The following SLC39A9 variants were observed in gnomAD, a reference collection of about 807,000 sequenced individuals.
The protein encoded by SLC39A9 is solute carrier family 39 member 9.
A neutral mutation model predicts 28.4 loss-of-function variants in SLC39A9; 14 were observed. The ratio of observed to expected loss-of-function variants is 0.49; its 90% CI spans 0.33 to 0.77. The LOEUF is 0.77. Ranked by LOEUF, SLC39A9 falls within the 30% of genes least tolerant of loss-of-function variation. SLC39A9 has a pLI of 0.02. For synonymous variants in SLC39A9, 119 were observed against 149.6 expected, an observed-to-expected ratio of 0.80 and a Z score of 1.49; for missense variants, 283 against 381.1, an observed-to-expected ratio of 0.74 and a Z score of 2.14.
intron 2 of SLC39A9, 63 bp downstream of exon 2, chr14:69,424,265 C>A: frequency 1.6e-6 from 2 of 1,233,598 alleles, no homozygotes; most frequent in Non-Finnish European, 2.4e-6. Context: ...CAGGATGAAG[C>A]TTAGTGGTAT....
intron 1 of SLC39A9, among the ~76,000 whole-genome samples, chr14:69,419,724 C>T (rs1883778095): frequency 6.6e-6 from 1 of 152,202 alleles, no homozygotes; most frequent in Non-Finnish European, 1.5e-5. Flanking sequence ...GTTAGCTCTT[C>T]TTGTTGAATT....
At chr14:69,440,454 C>T (rs1884989286) in intron 2 of SLC39A9, among the ~76,000 whole-genome samples, 1 of 152,046 alleles carries the variant, frequency 6.6e-6, no homozygotes. Flanking sequence ...GACTTGGTAG[C>T]TCACATCTGT....
chr14:69,458,873 G>A lies in SLC39A9; in HGVS notation c.*280G>A, dbSNP rs1395113675. The stretch of plus-strand genomic sequence containing the variant: ...AATATTTCTCTTAACCCTATTCTCA[G>A]GGAAGATGGAATTTAGTTTTAAGGA... On this transcript the variant is annotated 3_prime_UTR_variant, in exon 7 of 7. Transcript: ENST00000336643. 2 of 1,139,582 alleles carry A rather than the reference G, an allele frequency of 1.8e-6. No homozygotes were observed. The highest frequency in any genetic ancestry group is 1.6e-5 in the African/African-American group (1 of 63,064). The allele number at this position is 1,139,582 out of a possible 1,614,324, so 70.6% of individuals were successfully genotyped here.
intron 1 of SLC39A9, among the ~76,000 whole-genome samples, chr14:69,399,750 G>A (rs1373670863): frequency 6.6e-6 from 1 of 152,166 alleles, no homozygotes; most frequent in Non-Finnish European, 1.5e-5. Context: ...TTTACCTGGA[G>A]AGAGGCACCA....
intron 2 of SLC39A9, among the ~76,000 whole-genome samples, chr14:69,437,232 T>C (rs1297438815): frequency 2.0e-5 from 3 of 152,028 alleles, no homozygotes; most frequent in Admixed American, 6.6e-5. Context: ...GTTGCCACCA[T>C]GCAGTTCTGC....
intron 1 of SLC39A9, among the ~76,000 whole-genome samples, chr14:69,422,909 A>G (rs543351567): frequency 3.3e-4 from 51 of 152,342 alleles, no homozygotes; most frequent in Admixed American, 7.2e-4. Context: ...TGCTGCTTCA[A>G]GAAACTTTGA....
At chr14:69,417,186 A>G (rs951316836) in intron 1 of SLC39A9, among the ~76,000 whole-genome samples, 12 of 152,220 alleles carry the variant, frequency 7.9e-5, no homozygotes, top group African/African-American at 2.7e-4. Context: ...AGCTTTCTAC[A>G]TATGGCTAGC....
intron 3 of SLC39A9, among the ~76,000 whole-genome samples, chr14:69,450,194 A>T (rs1196636782): frequency 7.6e-6 from 1 of 131,434 alleles, no homozygotes; most frequent in South Asian, 2.4e-4. Context: ...ATCTCAAAAT[A>T]AAAAAAAAAG....
At chr14:69,454,348 C>A (rs1175579195) in intron 4 of SLC39A9, among the ~76,000 whole-genome samples, 1 of 152,182 alleles carries the variant, frequency 6.6e-6, no homozygotes. Flanking sequence ...CGGCTCATTG[C>A]AAGCTCCACC....
chr14:69,416,957 C>T (rs1395079253), intron 1 of SLC39A9, among the ~76,000 whole-genome samples: 1 of 152,194 alleles, frequency 6.6e-6, no homozygotes, highest in Non-Finnish European at 1.5e-5. Context: ...TTTTGCCGTG[C>T]AGAAGCTCTT....
At position 69,459,559 on chromosome 14, in the gene SLC39A9, T is replaced by TG; in HGVS notation, c.*966_*967insG. ...TGTATGGTTGTCCTTTTTTTTTGTT[T>TG]TTTTTTTTTTTAATTATTTCTCTTA... is the stretch of plus-strand genomic sequence containing the variant. On this transcript the variant is annotated 3_prime_UTR_variant, in exon 7 of 7. Coordinates refer to ENST00000336643, the MANE Select transcript of SLC39A9 (RefSeq NM_018375.5). 1.0e-6 allele frequency: 1 copy of TG among 968,478 alleles called. No individual in the cohort carries two copies. Among genetic ancestry groups the TG allele is most frequent in the Non-Finnish European group, 1.2e-6 (1 of 815,486 alleles). The allele number at this position is 968,478 out of a possible 1,614,324, so 60.0% of individuals were successfully genotyped here.
Position 69,462,009 on chromosome 14 carries a change from C to T in SLC39A9, c.*3416C>T, listed in dbSNP as rs866265989. On this transcript the variant is annotated 3_prime_UTR_variant, in exon 7 of 7. Transcript: ENST00000336643. ...TGTTGGAGATGCTGTGAAATTAAAA[C>T]CTCTTTGTACCTGAGACATCTAGAT... 9.3e-5 allele frequency: 29 copies of T among 312,700 alleles called. 1 individual carries two copies. Among genetic ancestry groups the T allele is most frequent in the South Asian group, 2.3e-4 (2 of 8,710 alleles). The allele number at this position is 312,700 out of a possible 1,614,324, so 19.4% of individuals were successfully genotyped here. A position where few individuals can be genotyped will look rare whatever the true frequency, so the allele number is the denominator to read the frequency against.
At chr14:69,428,572 A>G (rs10140273) in intron 2 of SLC39A9, 79,970 of 152,524 alleles carry the variant, frequency 0.52, 21,932 homozygotes, top group African/African-American at 0.69. Flanking sequence ...ATGCCAAAAC[A>G]GTTGTGCCCA....
chr14:69,410,398 T>TA (rs1427567683), intron 1 of SLC39A9, among the ~76,000 whole-genome samples: 1 of 152,114 alleles, frequency 6.6e-6, no homozygotes, highest in Non-Finnish European at 1.5e-5. Context: ...AGACAAGTAA[T>TA]AACAACCCCT....
chr14:69,454,915 G>GT lies in SLC39A9; in HGVS notation c.558+19dup. ...TACATAAGGTAAGCAACATTTTGGT[G>GT]TAAGGTTTGGTATTGAGTGTATTCA... On this transcript the variant is annotated intron_variant, in intron 5 of 6. Coordinates refer to ENST00000336643, the MANE Select transcript of SLC39A9 (RefSeq NM_018375.5). 1 of 1,594,146 alleles carries GT rather than the reference G, an allele frequency of 6.3e-7. No individual in the cohort carries two copies. Among genetic ancestry groups the GT allele is most frequent in the Non-Finnish European group, 8.6e-7 (1 of 1,162,840 alleles).
chr14:69,432,988 T>G (rs2030984450), intron 2 of SLC39A9, among the ~76,000 whole-genome samples: 1 of 152,224 alleles, frequency 6.6e-6, no homozygotes, highest in Admixed American at 6.5e-5. Flanking sequence ...CTTTGTCCTT[T>G]TTGCTTAGGA....
At chr14:69,415,329 A>G (rs1883510603) in intron 1 of SLC39A9, among the ~76,000 whole-genome samples, 1 of 152,214 alleles carries the variant, frequency 6.6e-6, no homozygotes, top group South Asian at 2.1e-4. Context: ...TTTAATGGGT[A>G]TGAAAAGGTA....
intron 2 of SLC39A9, among the ~76,000 whole-genome samples, chr14:69,434,162 C>T (rs1185308050): frequency 6.6e-6 from 1 of 150,524 alleles, no homozygotes; most frequent in Non-Finnish European, 1.5e-5. Context: ...CGGCACACTG[C>T]AACCTCCATC....
intron 2 of SLC39A9, among the ~76,000 whole-genome samples, chr14:69,427,418 A>G (rs1884256966): frequency 6.6e-6 from 1 of 152,150 alleles, no homozygotes; most frequent in Non-Finnish European, 1.5e-5. Flanking sequence ...TTCCAGCCCT[A>G]AGTCATTTAA....
Sources: gnomAD v4.1 joint callset for allele counts (sites outside exome capture counted in the v4.1 genomes callset) on GRCh38, gnomAD v4.1.1 for gene constraint, MANE v1.5 for transcripts, NCBI Gene and HGNC (gene_info 2026-07-23, HGNC 2026-07-21) for gene names.